FBXL17: variants seen among roughly 807,000 people sequenced by gnomAD.
The protein encoded by FBXL17 is F-box/LRR-repeat protein 17.
In FBXL17, 22 loss-of-function variants were observed where a neutral mutation model predicts 66.2. The ratio of observed to expected loss-of-function variants is 0.33; its 90% CI spans 0.24 to 0.47. The LOEUF (loss-of-function observed/expected upper bound fraction) is 0.47. FBXL17 is among the 20% of genes least tolerant of loss of function. The probability of loss-of-function intolerance (pLI) is 1.00; values close to 1 mark genes in which losing one functional copy is unlikely to be tolerated. For missense variants in FBXL17, 878 were observed against 948.2 expected, an observed-to-expected ratio of 0.93 and a Z score of 0.97; for synonymous variants, 474 against 400.5, an observed-to-expected ratio of 1.18 and a Z score of -2.19.
chr5:108,260,465 CAACTATCTAAACATGT>C (rs1756766912), intron 4 of FBXL17, among the ~76,000 whole-genome samples: 1 of 152,050 alleles, frequency 6.6e-6, no homozygotes, highest in African/African-American at 2.4e-5. Flanking sequence ...TAAAGAAATA[CAACTATCTAAACATGT>C]AACATAATGG....
At chr5:108,253,073 T>C (rs566504833) in intron 4 of FBXL17, among the ~76,000 whole-genome samples, 2 of 152,254 alleles carry the variant, frequency 1.3e-5, no homozygotes, top group South Asian at 2.1e-4. Context: ...CAGATTACCA[T>C]ATCAATAAAG....
chr5:108,141,585 T>A (rs1751351894), intron 6 of FBXL17, among the ~76,000 whole-genome samples: 1 of 152,244 alleles, frequency 6.6e-6, no homozygotes, highest in Non-Finnish European at 1.5e-5. Flanking sequence ...TCTACACATC[T>A]ACAGGAGTTC....
intron 7 of FBXL17, 80 bp from the exon 8 acceptor site, chr5:107,881,259 T>C (rs1748782155): frequency 1.3e-6 from 1 of 799,888 alleles, no homozygotes; most frequent in Non-Finnish European, 1.9e-6. Flanking sequence ...TCATCTCATT[T>C]CCTCACTAAA....
intron 7 of FBXL17, among the ~76,000 whole-genome samples, chr5:108,019,146 C>T (rs1296331265): frequency 2.0e-5 from 3 of 152,098 alleles, no homozygotes; most frequent in East Asian, 1.9e-4. Context: ...GTGCTACTCA[C>T]GAGGTTAGGT....
At chr5:107,982,418 C>G (rs1214847357) in intron 7 of FBXL17, among the ~76,000 whole-genome samples, 5 of 151,872 alleles carry the variant, frequency 3.3e-5, no homozygotes, top group Non-Finnish European at 7.4e-5. Context: ...AGTGAGTACT[C>G]TTTGCTTTAT....
At chr5:108,227,587 T>C (rs947505422) in intron 4 of FBXL17, among the ~76,000 whole-genome samples, 1 of 152,214 alleles carries the variant, frequency 6.6e-6, no homozygotes, top group Non-Finnish European at 1.5e-5. Flanking sequence ...TCTTTTTGTA[T>C]CTTCCTTACC....
chr5:108,146,582 TTGAGTTA>T (rs1021021955), intron 6 of FBXL17, among the ~76,000 whole-genome samples: 1 of 152,186 alleles, frequency 6.6e-6, no homozygotes, highest in East Asian at 1.9e-4. Context: ...ACCCAGTCTT[TTGAGTTA>T]TAACAAACAG....
intron 4 of FBXL17, among the ~76,000 whole-genome samples, chr5:108,338,687 G>T (rs556413794): frequency 5.2e-4 from 79 of 152,202 alleles, no homozygotes; most frequent in African/African-American, 1.9e-3. Flanking sequence ...AAACAGTATG[G>T]ACTTATCTGG....
chr5:108,116,358 G>T (rs1194219395), intron 6 of FBXL17, among the ~76,000 whole-genome samples: 1 of 151,886 alleles, frequency 6.6e-6, no homozygotes, highest in Non-Finnish European at 1.5e-5. Flanking sequence ...AATAAAATAG[G>T]GTCATGTGCA....
At chr5:108,007,304 G>A (rs746558716) in intron 7 of FBXL17, among the ~76,000 whole-genome samples, 7 of 152,070 alleles carry the variant, frequency 4.6e-5, no homozygotes, top group African/African-American at 9.7e-5. Flanking sequence ...GACTGAACAC[G>A]CACAGTTAGA....
At chr5:107,981,050 T>C (rs1369220687) in intron 7 of FBXL17, among the ~76,000 whole-genome samples, 3 of 152,048 alleles carry the variant, frequency 2.0e-5, no homozygotes, top group African/African-American at 4.8e-5. Context: ...TTCTTAGTCA[T>C]TAGGGAGCTT....
intron 3 of FBXL17, among the ~76,000 whole-genome samples, chr5:108,351,281 G>A (rs1055852874): frequency 6.6e-6 from 1 of 152,108 alleles, no homozygotes; most frequent in Admixed American, 6.6e-5. Flanking sequence ...ACACAGGGAA[G>A]GAAGTATAAG....
At chr5:108,193,323 A>C (rs79396210) in intron 5 of FBXL17, among the ~76,000 whole-genome samples, 11,426 of 152,292 alleles carry the variant, frequency 0.075, 610 homozygotes, top group Middle Eastern at 0.15. Context: ...GTTATAAGAA[A>C]ACTGGGAAGA....
intron 6 of FBXL17, among the ~76,000 whole-genome samples, chr5:108,154,568 C>T (rs537017291): frequency 6.6e-4 from 70 of 105,598 alleles, no homozygotes; most frequent in Non-Finnish European, 8.8e-4. Flanking sequence ...CCAGCCTGGG[C>T]AACAAGAATG....
intron 4 of FBXL17, among the ~76,000 whole-genome samples, chr5:108,295,226 TTAC>T (rs1050452217): frequency 1.5e-4 from 23 of 152,006 alleles, no homozygotes; most frequent in South Asian, 8.3e-4. Context: ...TTGTGATATT[TTAC>T]TACAAGAAAA....
chr5:107,986,225 C>T (rs903878995), intron 7 of FBXL17, among the ~76,000 whole-genome samples: 6 of 151,888 alleles, frequency 4.0e-5, no homozygotes, highest in Admixed American at 2.0e-4. Flanking sequence ...GATAAATATA[C>T]TTCTTGCCTT....
intron 6 of FBXL17, among the ~76,000 whole-genome samples, chr5:108,132,678 T>A (rs1387825563): frequency 1.3e-5 from 2 of 152,292 alleles, no homozygotes; most frequent in East Asian, 3.9e-4. Flanking sequence ...TAAACAATGA[T>A]TTACAAAACA....
intron 2 of FBXL17, among the ~76,000 whole-genome samples, chr5:108,365,496 A>C (rs1580898303): frequency 1.3e-5 from 2 of 152,116 alleles, no homozygotes; most frequent in African/African-American, 4.8e-5. Context: ...AAGGTGGTAT[A>C]TCCCATACCT....
chr5:108,359,255 C>T (rs936962218), intron 3 of FBXL17, among the ~76,000 whole-genome samples: 18 of 152,018 alleles, frequency 1.2e-4, no homozygotes. Context: ...TTTCGAAGAA[C>T]CTAGTTTGGT....
Sources: gnomAD v4.1 joint callset for allele counts (sites outside exome capture counted in the v4.1 genomes callset) on GRCh38, gnomAD v4.1.1 for gene constraint, MANE v1.5 for transcripts, NCBI Gene and HGNC (gene_info 2026-07-23, HGNC 2026-07-21) for gene names.